Variants in FAM193A observed in about 807,000 individuals in gnomAD.
FAM193A encodes family with sequence similarity 193 member A, also known as protein FAM193A.
A neutral mutation model predicts 126.5 loss-of-function variants in FAM193A; 22 were observed. The observed-to-expected ratio is 0.17, with a 90% CI of 0.12 to 0.25. The LOEUF is 0.25. Ranked by LOEUF, FAM193A falls within the 10% of genes least tolerant of loss-of-function variation. The pLI, the probability that FAM193A is intolerant of heterozygous loss-of-function variation, is 1.00. For missense variants in FAM193A, 1,675 were observed against 1,672.8 expected (o/e 1.00, Z -0.02); for synonymous variants, 761 against 646.8 (o/e 1.18, Z -2.68).
chr4:2,720,584 C>G (rs995942254), intron 20 of FAM193A, among the ~76,000 whole-genome samples: 1 of 150,090 alleles, frequency 6.7e-6, no homozygotes, highest in Admixed American at 6.7e-5. Context: ...CCCAGGAGAC[C>G]AAGGCTACAG....
At chr4:2,642,928 G>A (rs1199366381) in intron 6 of FAM193A, among the ~76,000 whole-genome samples, 1 of 151,748 alleles carries the variant, frequency 6.6e-6, no homozygotes, top group Non-Finnish European at 1.5e-5. Context: ...GTAGAGACGG[G>A]GTTTCACCGT....
At chr4:2,716,393 G>T (rs1045451059) in intron 20 of FAM193A, among the ~76,000 whole-genome samples, 1 of 151,310 alleles carries the variant, frequency 6.6e-6, no homozygotes, top group Non-Finnish European at 1.5e-5. Flanking sequence ...TTGCGCTTCT[G>T]AGGCGGTGGC....
rs759078074 is a variant in FAM193A at position 2,660,053 on chromosome 4, T to C, written c.1744T>C (p.Phe582Leu). The C allele has an allele frequency of 8.1e-6, 13 of 1,613,214 alleles. No individual in the cohort carries two copies. The South Asian group carries it at 1.2e-4, about 15-fold the overall frequency. ...ILTDSGSAPT[F>L]CSDDEDVAPL... is the part of the protein sequence containing the mutation. ...CACAGACAGTGGCTCGGCACCAACT[T>C]TGTAAGTTGTGACTTTGTAATAAAG... The change falls in exon 10 of 21, where the codon TTT (phenylalanine) becomes CTT (leucine). Residue 582 changes from phenylalanine (F) to leucine (L), a missense_variant and splice_region_variant. Phe to Leu is a conservative substitution (Grantham distance 22). This residue lies in a region of FAM193A where 1,186 missense variants were observed against 1,109.2 expected (regional missense o/e 1.07). Coordinates refer to ENST00000637812, the MANE Select transcript of FAM193A (RefSeq NM_001366318.2).
intron 20 of FAM193A, among the ~76,000 whole-genome samples, chr4:2,725,713 CTT>C (rs869232598): frequency 1.2e-4 from 17 of 140,178 alleles, no homozygotes; most frequent in East Asian, 2.1e-4. Context: ...TTCTTGACAA[CTT>C]TTTTTTTTTT....
intron 10 of FAM193A, among the ~76,000 whole-genome samples, chr4:2,660,723 C>T (rs1417477221): frequency 6.6e-6 from 1 of 152,192 alleles, no homozygotes; most frequent in Non-Finnish European, 1.5e-5. Context: ...TGTTCCTGAC[C>T]TTGGCTATGC....
rs767654287 is a variant in FAM193A, at chr4:2,662,865, A to G, written c.1773A>G (p.Pro591=). 1.2e-6 allele frequency: 2 copies of G among 1,611,438 alleles called. No individual in the cohort carries two copies. The highest frequency in any genetic ancestry group is 2.2e-5 in the East Asian group (1 of 44,780). ...TFCSDDEDVA[P]LSAKFADIYP... Reference sequence around the variant, plus strand: ...GTAGTGATGATGAAGATGTTGCACCATTGTCAGCCAAATTTGCTGATATTT... The same window carrying G: ...GTAGTGATGATGAAGATGTTGCACCGTTGTCAGCCAAATTTGCTGATATTT... Residue 591 remains proline, a synonymous_variant, in exon 11 of 21, where the codon CCA becomes CCG. Transcript: ENST00000637812.
At chr4:2,636,257 G>T (rs1353452613) in intron 5 of FAM193A, among the ~76,000 whole-genome samples, 1 of 151,964 alleles carries the variant, frequency 6.6e-6, no homozygotes, top group African/African-American at 2.4e-5. Flanking sequence ...TAGAGTCGGG[G>T]TTTCACTGTG....
At chr4:2,715,681 A>G (rs17697511) in intron 19 of FAM193A, among the ~76,000 whole-genome samples, 4,943 of 152,256 alleles carry the variant, frequency 0.032, 98 homozygotes, top group South Asian at 0.073. Flanking sequence ...TTGCGTGCGA[A>G]TTAGATTTCT....
chr4:2,669,648 A>G (rs1008560429), intron 12 of FAM193A, among the ~76,000 whole-genome samples: 18 of 152,192 alleles, frequency 1.2e-4, no homozygotes, highest in Admixed American at 5.9e-4. Flanking sequence ...GGTTGTTTTT[A>G]GGAATAGCTT....
intron 1 of FAM193A, among the ~76,000 whole-genome samples, chr4:2,569,542 G>A (rs115745676): frequency 0.028 from 4,320 of 152,022 alleles, 224 homozygotes; most frequent in African/African-American, 0.098. Flanking sequence ...TCCGTCACCC[G>A]GTCCGGAGTG....
At chr4:2,728,896 C>CTTT (rs34029424) in intron 20 of FAM193A, among the ~76,000 whole-genome samples, 2,927 of 96,972 alleles carry the variant, frequency 0.03, 421 homozygotes, top group African/African-American at 0.068. Context: ...ACCTCCAAAA[C>CTTT]TTTTTTTTTT....
At chr4:2,585,912 G>T (rs1194404570) in intron 1 of FAM193A, among the ~76,000 whole-genome samples, 1 of 152,048 alleles carries the variant, frequency 6.6e-6, no homozygotes, top group African/African-American at 2.4e-5. Flanking sequence ...CTGGGTGGCA[G>T]AGTGAGACTG....
At chr4:2,723,690 AAAG>A (rs1205463084) in intron 20 of FAM193A, among the ~76,000 whole-genome samples, 1 of 152,270 alleles carries the variant, frequency 6.6e-6, no homozygotes, top group African/African-American at 2.4e-5. Flanking sequence ...GATCATCACA[AAAG>A]AAGTTATTCA....
At chr4:2,686,515 A>G (rs1245665760) in intron 13 of FAM193A, among the ~76,000 whole-genome samples, 1 of 152,250 alleles carries the variant, frequency 6.6e-6, no homozygotes, top group African/African-American at 2.4e-5. Flanking sequence ...GAAAAGTAAC[A>G]CCGAAGAGAG....
intron 16 of FAM193A, among the ~76,000 whole-genome samples, chr4:2,694,623 A>AAG: frequency 6.6e-6 from 1 of 152,000 alleles, no homozygotes; most frequent in East Asian, 1.9e-4. Flanking sequence ...TTGAAGCTAT[A>AAG]CCCCTTTTCG....
chr4:2,573,140 C>T (rs1373768687), intron 1 of FAM193A, among the ~76,000 whole-genome samples: 1 of 152,038 alleles, frequency 6.6e-6, no homozygotes, highest in Non-Finnish European at 1.5e-5. Flanking sequence ...CTCACTCTTA[C>T]TCTTGTGTCT....
chr4:2,654,252 ACT>A (rs1459903105), intron 7 of FAM193A, among the ~76,000 whole-genome samples: 1 of 151,472 alleles, frequency 6.6e-6, no homozygotes, highest in Non-Finnish European at 1.5e-5. Context: ...ATGGAGTCTT[ACT>A]CTCTCAACTA....
At chr4:2,731,556 C>G (rs914943902) in intron 20 of FAM193A, among the ~76,000 whole-genome samples, 1 of 152,000 alleles carries the variant, frequency 6.6e-6, no homozygotes. Context: ...GGACTCCTTC[C>G]GCCCACCCAT....
intron 7 of FAM193A, among the ~76,000 whole-genome samples, chr4:2,650,972 A>G (rs1435519255): frequency 1.3e-5 from 2 of 152,128 alleles, no homozygotes; most frequent in East Asian, 1.9e-4. Context: ...GTGTTGGTGA[A>G]TCCACTGGAG....
Sources: allele counts gnomAD v4.1 joint callset (sites outside exome capture counted in the v4.1 genomes callset), GRCh38; gene constraint gnomAD v4.1.1; regional missense constraint gnomAD v4.1.1; transcripts MANE v1.5; gene names NCBI Gene and HGNC (gene_info 2026-07-23, HGNC 2026-07-21).